The following KIAA0319 variants were observed in gnomAD, a reference collection of about 807,000 sequenced individuals.
The protein encoded by KIAA0319 is KIAA0319.
Under a neutral mutation model 108.4 loss-of-function variants are expected in KIAA0319, and 83 were observed. The ratio of observed to expected loss-of-function variants is 0.77; its 90% CI spans 0.64 to 0.92. The LOEUF is 0.92. KIAA0319 is among the 40% of genes least tolerant of loss of function. The pLI, the probability that KIAA0319 is intolerant of heterozygous loss-of-function variation, is 0.00. For synonymous variants in KIAA0319, 484 were observed against 510.4 expected (o/e 0.95, Z 0.70); for missense variants, 1,195 against 1,322.4 (o/e 0.90, Z 1.49).
At chr6:24,589,514 C>T (rs559739958) in intron 3 of KIAA0319, among the ~76,000 whole-genome samples, 39 of 151,750 alleles carry the variant, frequency 2.6e-4, no homozygotes, top group Non-Finnish European at 4.6e-4. Context: ...GATCATGGGA[C>T]GGTTCCCCCC....
At chr6:24,632,263 G>A (rs1258918811) in intron 1 of KIAA0319, among the ~76,000 whole-genome samples, 1 of 152,104 alleles carries the variant, frequency 6.6e-6, no homozygotes, top group East Asian at 1.9e-4. Flanking sequence ...GTATCACAAG[G>A]CAATTTTACA....
At chr6:24,556,807 T>C in intron 17 of KIAA0319, 78 bp from the exon 18 acceptor site, 3 of 1,484,446 alleles carry the variant, frequency 2.0e-6, no homozygotes, top group Non-Finnish European at 2.7e-6. Context: ...GTATCTTCAG[T>C]AGCATAGGTC....
chr6:24,600,883 C>T (rs1046757928), intron 2 of KIAA0319, among the ~76,000 whole-genome samples, 166 bp downstream of exon 2: 17 of 151,648 alleles, frequency 1.1e-4, no homozygotes, highest in Admixed American at 9.2e-4. Context: ...TTCCTGTTTA[C>T]GGAAAACCAC....
chr6:24,557,230 G>A (rs190045265), intron 17 of KIAA0319, among the ~76,000 whole-genome samples: 47 of 151,944 alleles, frequency 3.1e-4, no homozygotes, highest in Middle Eastern at 6.8e-3. Context: ...GGCTGGGTGC[G>A]GTTGCTCACG....
chr6:24,644,033 T>C (rs1484649734), intron 1 of KIAA0319, among the ~76,000 whole-genome samples: 1 of 152,248 alleles, frequency 6.6e-6, no homozygotes, highest in Non-Finnish European at 1.5e-5. Flanking sequence ...AATAACATAG[T>C]TTCATTCAAC....
chr6:24,572,417 T>G (rs145654788), intron 11 of KIAA0319, among the ~76,000 whole-genome samples, 158 bp downstream of exon 11: 2 of 152,326 alleles, frequency 1.3e-5, no homozygotes, highest in Non-Finnish European at 1.5e-5. Context: ...TAGTTTACAG[T>G]CAAGGCAAGA....
At chr6:24,571,047 C>A (rs1048647444) in intron 11 of KIAA0319, among the ~76,000 whole-genome samples, 2 of 151,526 alleles carry the variant, frequency 1.3e-5, no homozygotes, top group Admixed American at 1.3e-4. Flanking sequence ...CAAAAATTAG[C>A]CAGGCATGGT....
intron 4 of KIAA0319, 149 bp from the exon 5 acceptor site, chr6:24,583,851 T>C: frequency 1.6e-6 from 1 of 610,592 alleles, no homozygotes; most frequent in East Asian, 2.9e-5. Context: ...AAGGCACGTT[T>C]TTCCTCTGGC....
rs1475024381 is a variant in KIAA0319 at position 24,568,915 on chromosome 6, A to G, written c.2006T>C (p.Val669Ala). The G allele has an allele frequency of 6.2e-7, 1 of 1,614,000 alleles. No individual in the cohort carries two copies. The highest frequency in any genetic ancestry group is 1.7e-5 in the Admixed American group (1 of 60,032). The change falls in exon 13 of 21, where the codon GTG becomes GCG. Residue 669 changes from valine to alanine, a missense_variant. Coordinates refer to ENST00000378214, the MANE Select transcript of KIAA0319 (RefSeq NM_014809.4). ...HWEHVRGPSA[V>A]EMENIDKAIA... ...TGCTTTGTCAATATTTTCCATCTCC[A>G]CTGCACTGGGGCCTCTATAAAACAT...
intron 3 of KIAA0319, among the ~76,000 whole-genome samples, chr6:24,590,414 T>C (rs1224104393): frequency 6.6e-6 from 1 of 152,150 alleles, no homozygotes; most frequent in African/African-American, 2.4e-5. Flanking sequence ...AATTTTAAGA[T>C]GTTTGATTTA....
chr6:24,566,884 T>A (rs1406236178), intron 13 of KIAA0319, 136 bp from the exon 14 acceptor site: 2 of 723,216 alleles, frequency 2.8e-6, no homozygotes, highest in African/African-American at 1.8e-5. Context: ...CAAAAAGGCA[T>A]TTTTTTCCCC....
intron 11 of KIAA0319, among the ~76,000 whole-genome samples, chr6:24,570,264 A>G (rs1286977163): frequency 6.6e-6 from 1 of 152,170 alleles, no homozygotes; most frequent in Non-Finnish European, 1.5e-5. Flanking sequence ...CACTGTCTCT[A>G]ATAGACACAT....
At chr6:24,628,540 T>A (rs1424816126) in intron 1 of KIAA0319, among the ~76,000 whole-genome samples, 2 of 151,974 alleles carry the variant, frequency 1.3e-5, no homozygotes, top group African/African-American at 2.4e-5. Flanking sequence ...TTTTTTTTTT[T>A]AATACAACCC....
At chr6:24,568,045 C>T (rs1283852711) in intron 13 of KIAA0319, among the ~76,000 whole-genome samples, 31 of 152,204 alleles carry the variant, frequency 2.0e-4, no homozygotes, top group Non-Finnish European at 5.9e-5. Context: ...CAGCCTCTCC[C>T]AGCTGCCCAG....
At position 24,595,792 on chromosome 6, in the gene KIAA0319, C is replaced by T. The variant is rs546082117; in HGVS notation, c.801+81G>A. 1.8e-5 allele frequency: 27 copies of T among 1,471,316 alleles called. No individual in the cohort carries two copies. The South Asian group carries it at 3.1e-4, about 17-fold the overall frequency. 91.1% of individuals were successfully genotyped at this position (1,471,316 alleles called of 1,614,324 possible). A position where few individuals can be genotyped will look rare whatever the true frequency, so the allele number is the denominator to read the frequency against. On this transcript the variant is annotated intron_variant, in intron 3 of 20. Coordinates refer to ENST00000378214, the MANE Select transcript of KIAA0319 (RefSeq NM_014809.4). ...AAGCTCATACAGCCTGAATGAGTGC[C>T]CGGCTCCTGAAACTCAGCCCCTCCT...
intron 4 of KIAA0319, among the ~76,000 whole-genome samples, chr6:24,584,593 C>T (rs1423138315): frequency 6.6e-6 from 1 of 152,060 alleles, no homozygotes; most frequent in Non-Finnish European, 1.5e-5. Flanking sequence ...TTTGCTGGCT[C>T]CTCTCTTGTC....
Position 24,559,085 on chromosome 6 carries a change from T to C in KIAA0319, c.2662A>G (p.Asn888Asp). 2 of 1,613,700 alleles carry C rather than the reference T, an allele frequency of 1.2e-6. No homozygotes were observed. Among genetic ancestry groups the C allele is most frequent in the South Asian group, 2.2e-5 (2 of 91,008 alleles). The part of the protein sequence containing the change: ...KVLKAAEVAR[N>D]LHMRLSKEKA... The stretch of plus-strand genomic sequence containing the variant: ...TCCTTTGAGAGCCGCATGTGCAGAT[T>C]TCGGGCCACTTCAGCAGCTTTGAGA... Residue 888 changes from asparagine to aspartate, a missense_variant, in exon 17 of 21, where the codon AAT becomes GAT. Transcript: ENST00000378214.
chr6:24,583,745 A>C (rs749682670), intron 4 of KIAA0319, 43 bp from the exon 5 acceptor site: 1 of 1,209,510 alleles, frequency 8.3e-7, no homozygotes, highest in Non-Finnish European at 1.2e-6. Flanking sequence ...ATATAATATA[A>C]TGTGTTACAT....
chr6:24,569,025 G>A, intron 12 of KIAA0319, 96 bp from the exon 13 acceptor site: 2 of 1,234,068 alleles, frequency 1.6e-6, no homozygotes, highest in Non-Finnish European at 2.3e-6. Flanking sequence ...TTTTGTTCCA[G>A]CTATAATATA....
Sources: allele counts gnomAD v4.1 joint callset (sites outside exome capture counted in the v4.1 genomes callset), GRCh38; gene constraint gnomAD v4.1.1; transcripts MANE v1.5; gene names NCBI Gene and HGNC (gene_info 2026-07-23, HGNC 2026-07-21).